The following AGMO variants were observed in gnomAD, a reference collection of about 807,000 sequenced individuals.
AGMO encodes the protein glyceryl-ether monooxygenase.
A neutral mutation model predicts 60.2 loss-of-function variants in AGMO; 75 were observed. That is an observed-to-expected ratio of 1.25 (90% CI 1.03 to 1.51). The LOEUF (loss-of-function observed/expected upper bound fraction) is 1.51, where lower values mean the gene tolerates loss of function less well. AGMO is among the 40% of genes most tolerant of loss of function. AGMO has a pLI of 0.00. For missense variants in AGMO, 763 were observed against 525.5 expected, an observed-to-expected ratio of 1.45 and a Z score of -4.42; for synonymous variants, 261 against 177.1, an observed-to-expected ratio of 1.47 and a Z score of -3.76.
chr7:15,350,078 G>C (rs1782184385), intron 12 of AGMO, among the ~76,000 whole-genome samples: 1 of 152,128 alleles, frequency 6.6e-6, no homozygotes, highest in South Asian at 2.1e-4. Context: ...ATGAAACTGA[G>C]AATTAAGTGG....
the AGMO span, among the ~76,000 whole-genome samples, chr7:15,134,123 T>C: frequency 6.6e-6 from 1 of 152,166 alleles, no homozygotes; most frequent in African/African-American, 2.4e-5. Flanking sequence ...CAGATTATTT[T>C]TTCACCCAGA....
chr7:15,193,668 AG>A, the AGMO span, among the ~76,000 whole-genome samples: 1 of 152,162 alleles, frequency 6.6e-6, no homozygotes, highest in Non-Finnish European at 1.5e-5. Context: ...CAGGAACAAA[AG>A]TTTTGTCAAT....
chr7:15,256,507 G>A (rs1050825011), intron 12 of AGMO, among the ~76,000 whole-genome samples: 3 of 151,992 alleles, frequency 2.0e-5, no homozygotes, highest in African/African-American at 7.2e-5. Context: ...GACGCCTGGT[G>A]TCGTGTGACG....
At chr7:15,327,331 G>A (rs926133653) in intron 12 of AGMO, among the ~76,000 whole-genome samples, 2 of 152,140 alleles carry the variant, frequency 1.3e-5, no homozygotes, top group African/African-American at 2.4e-5. Context: ...AAGTGTTGGA[G>A]AAGACCAAAC....
chr7:15,239,480 G>C (rs1268975207), intron 12 of AGMO, among the ~76,000 whole-genome samples: 1 of 152,068 alleles, frequency 6.6e-6, no homozygotes, highest in Non-Finnish European at 1.5e-5. Context: ...ACCATATATA[G>C]CAATCTCTAT....
intron 3 of AGMO, among the ~76,000 whole-genome samples, chr7:15,437,976 AACAT>A (rs1319882354): frequency 1.3e-5 from 2 of 152,172 alleles, no homozygotes; most frequent in Non-Finnish European, 2.9e-5. Context: ...ATCACACTTT[AACAT>A]ATTTTTTCTT....
intron 2 of AGMO, among the ~76,000 whole-genome samples, chr7:15,556,499 C>T (rs1406713953): frequency 6.6e-6 from 1 of 151,910 alleles, no homozygotes; most frequent in African/African-American, 2.4e-5. Flanking sequence ...AACAAACATA[C>T]TGTAGATATT....
At chr7:15,337,188 G>A (rs1484747456) in intron 12 of AGMO, among the ~76,000 whole-genome samples, 3 of 152,172 alleles carry the variant, frequency 2.0e-5, no homozygotes, top group African/African-American at 4.8e-5. Flanking sequence ...CTAAAGTTTG[G>A]AGTCAAGCAT....
chr7:15,457,878 CAT>C (rs1273654160), intron 3 of AGMO, among the ~76,000 whole-genome samples: 6 of 152,068 alleles, frequency 3.9e-5, no homozygotes, highest in South Asian at 2.1e-4. Context: ...GGTACAGACA[CAT>C]GTGTTGAATA....
intron 3 of AGMO, among the ~76,000 whole-genome samples, chr7:15,539,785 C>T (rs143519090): frequency 1.4e-3 from 211 of 152,226 alleles, no homozygotes; most frequent in Admixed American, 3.1e-3. Flanking sequence ...TTTTCTGCAA[C>T]CTCACCAGCA....
At chr7:15,547,460 G>C (rs1324565790) in intron 2 of AGMO, among the ~76,000 whole-genome samples, 2 of 152,050 alleles carry the variant, frequency 1.3e-5, no homozygotes, top group Admixed American at 1.3e-4. Flanking sequence ...GTGGGTGCGC[G>C]CACCGTGCGC....
chr7:15,546,723 G>T (rs894482397), intron 2 of AGMO, among the ~76,000 whole-genome samples: 1 of 152,236 alleles, frequency 6.6e-6, no homozygotes, highest in Admixed American at 6.5e-5. Context: ...TCTATGAAAT[G>T]AACACTTAAA....
At chr7:15,541,508 A>G (rs1282063438) in intron 3 of AGMO, among the ~76,000 whole-genome samples, 1 of 152,194 alleles carries the variant, frequency 6.6e-6, no homozygotes, top group Non-Finnish European at 1.5e-5. Flanking sequence ...ATTTTTCTAA[A>G]ATCATCAAAG....
the AGMO span, among the ~76,000 whole-genome samples, chr7:15,134,357 A>G: frequency 3.3e-5 from 5 of 151,946 alleles, no homozygotes. Flanking sequence ...TTTTTTTTGT[A>G]GAAATGGGTT....
At chr7:15,299,821 C>CT (rs1304645327) in intron 12 of AGMO, among the ~76,000 whole-genome samples, 1 of 131,536 alleles carries the variant, frequency 7.6e-6, no homozygotes, top group East Asian at 2.4e-4. Context: ...GAGCAAGACT[C>CT]TGTCTACATA....
At chr7:15,331,895 C>T (rs1178739597) in intron 12 of AGMO, among the ~76,000 whole-genome samples, 1 of 151,292 alleles carries the variant, frequency 6.6e-6, no homozygotes, top group Admixed American at 6.6e-5. Flanking sequence ...CATCGCACTC[C>T]AGCTTGGACA....
intron 12 of AGMO, among the ~76,000 whole-genome samples, chr7:15,234,540 T>G (rs1782360125): frequency 6.6e-6 from 1 of 152,198 alleles, no homozygotes; most frequent in Non-Finnish European, 1.5e-5. Flanking sequence ...TTTTTGGTTT[T>G]GTTTTGTTTT....
intron 3 of AGMO, among the ~76,000 whole-genome samples, chr7:15,520,002 C>G (rs1313031253): frequency 7.0e-6 from 1 of 143,758 alleles, no homozygotes; most frequent in African/African-American, 2.6e-5. Context: ...AAAAAAAGAA[C>G]CAAAAAAAAA....
intron 6 of AGMO, among the ~76,000 whole-genome samples, chr7:15,393,732 C>T (rs953878141): frequency 6.6e-6 from 1 of 152,110 alleles, no homozygotes; most frequent in African/African-American, 2.4e-5. Context: ...TTTTCAAGAC[C>T]ACTAACTCTC....
Sources: allele counts gnomAD v4.1 joint callset (sites outside exome capture counted in the v4.1 genomes callset), GRCh38; gene constraint gnomAD v4.1.1; transcripts MANE v1.5; gene names NCBI Gene and HGNC (gene_info 2026-07-23, HGNC 2026-07-21).